DLG2: variants seen among roughly 807,000 people sequenced by gnomAD.
DLG2 encodes discs large MAGUK scaffold protein 2.
Under a neutral mutation model 132.5 loss-of-function variants are expected in DLG2, and 45 were observed. That is an observed-to-expected ratio of 0.34 (90% CI 0.27 to 0.44). The LOEUF is 0.44. DLG2 is among the 20% of genes least tolerant of loss of function. The probability of loss-of-function intolerance (pLI) is 1.00; values close to 1 mark genes in which losing one functional copy is unlikely to be tolerated. For synonymous variants in DLG2, 424 were observed against 419.6 expected (o/e 1.01, Z -0.13); for missense variants, 1,045 against 1,196.9 (o/e 0.87, Z 1.87).
chr11:83,995,243 A>T (rs913874368), intron 11 of DLG2, among the ~76,000 whole-genome samples: 2 of 152,130 alleles, frequency 1.3e-5, no homozygotes, highest in Non-Finnish European at 2.9e-5. Flanking sequence ...AATAAACAGC[A>T]TATGTTAGTA....
At chr11:84,271,139 A>G (rs2097716733) in intron 7 of DLG2, among the ~76,000 whole-genome samples, 3 of 152,228 alleles carry the variant, frequency 2.0e-5, no homozygotes, top group Admixed American at 2.0e-4. Flanking sequence ...TAATATTTTA[A>G]TAATGGCTAT....
intron 6 of DLG2, among the ~76,000 whole-genome samples, chr11:84,685,145 T>C (rs910613857): frequency 6.6e-6 from 1 of 152,184 alleles, no homozygotes; most frequent in African/African-American, 2.4e-5. Flanking sequence ...CAGAGCTGGT[T>C]TGAAGCAGAG....
At chr11:83,731,365 C>T (rs1164092737) in intron 18 of DLG2, among the ~76,000 whole-genome samples, 1 of 152,190 alleles carries the variant, frequency 6.6e-6, no homozygotes, top group African/African-American at 2.4e-5. Flanking sequence ...ATAGGTCCCA[C>T]TTATGAGTGA....
intron 7 of DLG2, among the ~76,000 whole-genome samples, chr11:84,352,478 T>G (rs2098582951): frequency 6.6e-6 from 1 of 152,178 alleles, no homozygotes; most frequent in Admixed American, 6.5e-5. Flanking sequence ...TGTAATTTTG[T>G]AATATATCAA....
intron 3 of DLG2, among the ~76,000 whole-genome samples, chr11:85,434,184 G>C (rs1335170686): frequency 6.6e-6 from 1 of 152,114 alleles, no homozygotes; most frequent in East Asian, 1.9e-4. Flanking sequence ...TGTTAAGAGG[G>C]AAATTTATAG....
intron 7 of DLG2, among the ~76,000 whole-genome samples, chr11:84,500,934 G>A (rs563852426): frequency 2.0e-5 from 3 of 152,174 alleles, no homozygotes; most frequent in African/African-American, 4.8e-5. Flanking sequence ...ATATTGTCAA[G>A]GACCCTACAA....
intron 6 of DLG2, among the ~76,000 whole-genome samples, chr11:84,920,048 A>G (rs1171780512): frequency 6.6e-6 from 1 of 152,224 alleles, no homozygotes; most frequent in Non-Finnish European, 1.5e-5. Context: ...GACATAAATA[A>G]TGGACATTGA....
At chr11:85,330,792 T>TAAAAAAAAAAAAA (rs56995757) in intron 3 of DLG2, among the ~76,000 whole-genome samples, 11 of 116,468 alleles carry the variant, frequency 9.4e-5, no homozygotes, top group Non-Finnish European at 1.4e-4. Flanking sequence ...AAAAAAAAAT[T>TAAAAAAAAAAAAA]AAAAAAAAAA....
intron 3 of DLG2, chr11:85,335,955 T>G (rs1384874880): frequency 6.6e-6 from 1 of 152,168 alleles, no homozygotes; most frequent in Non-Finnish European, 1.5e-5. Flanking sequence ...AAAAAAAAAT[T>G]CTTGGTTGAA....
At chr11:83,696,712 T>C (rs1392362677) in intron 18 of DLG2, among the ~76,000 whole-genome samples, 2 of 152,180 alleles carry the variant, frequency 1.3e-5, no homozygotes, top group Non-Finnish European at 2.9e-5. Flanking sequence ...TTAATTCAAT[T>C]AAACAAATAT....
chr11:85,304,405 T>C (rs2079805196), intron 3 of DLG2, among the ~76,000 whole-genome samples: 1 of 152,072 alleles, frequency 6.6e-6, no homozygotes, highest in Admixed American at 6.6e-5. Flanking sequence ...AGGTAAATCC[T>C]AGGTTCTGAG....
At chr11:83,636,113 T>G (rs1391981553) in intron 18 of DLG2, among the ~76,000 whole-genome samples, 1 of 152,108 alleles carries the variant, frequency 6.6e-6, no homozygotes, top group African/African-American at 2.4e-5. Context: ...TTACTACCCA[T>G]GATAAAAGCA....
chr11:85,113,663 T>C (rs1051916859), intron 5 of DLG2, among the ~76,000 whole-genome samples: 2 of 152,040 alleles, frequency 1.3e-5, no homozygotes, highest in African/African-American at 4.8e-5. Context: ...AGTGTTCCCA[T>C]TGATCTACCT....
intron 6 of DLG2, among the ~76,000 whole-genome samples, chr11:85,086,025 A>G (rs775643237): frequency 2.6e-5 from 4 of 152,144 alleles, no homozygotes; most frequent in Non-Finnish European, 5.9e-5. Context: ...TTATCCCCCA[A>G]AAAACTTTTG....
intron 3 of DLG2, among the ~76,000 whole-genome samples, chr11:85,477,798 T>C (rs546224948): frequency 3.9e-5 from 6 of 152,220 alleles, no homozygotes; most frequent in Admixed American, 6.5e-5. Context: ...CAGGATTACA[T>C]CATAAGGACA....
At chr11:84,431,730 A>G (rs528758618) in intron 7 of DLG2, among the ~76,000 whole-genome samples, 1 of 152,228 alleles carries the variant, frequency 6.6e-6, no homozygotes, top group East Asian at 1.9e-4. Flanking sequence ...AATATTTTAA[A>G]CACTTTATTT....
At chr11:85,064,010 A>G (rs542228053) in intron 6 of DLG2, among the ~76,000 whole-genome samples, 1 of 152,000 alleles carries the variant, frequency 6.6e-6, no homozygotes, top group African/African-American at 2.4e-5. Flanking sequence ...AATAAAAAAT[A>G]ACACAAATAC....
intron 6 of DLG2, among the ~76,000 whole-genome samples, chr11:84,559,830 C>T (rs2099420326): frequency 6.6e-6 from 1 of 152,016 alleles, no homozygotes; most frequent in Non-Finnish European, 1.5e-5. Flanking sequence ...GATCTTAATT[C>T]TATTTTAATT....
Position 83,994,403 on chromosome 11 carries a change from A to G in DLG2, c.920-13761T>C, listed in dbSNP as rs189149067. On this transcript the variant is annotated intron_variant, in intron 11 of 27. Coordinates refer to ENST00000376104, the MANE Select transcript of DLG2 (RefSeq NM_001142699.3). ...GTAGATACTTGAAAACTAATTTTTT[A>G]TTTTTATTTTAAAAGACAGGGGTCT... Among the ~76,000 whole-genome samples, 141 of 152,142 alleles carry G rather than the reference A, an allele frequency of 9.3e-4. 1 individual carries two copies. Among genetic ancestry groups the G allele is most frequent in the Admixed American group, 1.9e-3 (29 of 15,254 alleles).
Sources: allele counts gnomAD v4.1 joint callset (sites outside exome capture counted in the v4.1 genomes callset), GRCh38; gene constraint gnomAD v4.1.1; transcripts MANE v1.5; gene names NCBI Gene and HGNC (gene_info 2026-07-23, HGNC 2026-07-21).